Variants in RFC1 observed in about 807,000 individuals in gnomAD.
RFC1 encodes the protein A1 140 kDa subunit.
Under a neutral mutation model 137.4 loss-of-function variants are expected in RFC1, and 37 were observed. The observed-to-expected ratio is 0.27, with a 90% CI of 0.21 to 0.35. The LOEUF (loss-of-function observed/expected upper bound fraction) is 0.35, where lower values mean the gene tolerates loss of function less well. Among genes scored for constraint, RFC1 ranks in the 10% least tolerant of loss-of-function variants. The pLI, the probability that RFC1 is intolerant of heterozygous loss-of-function variation, is 1.00. For missense variants in RFC1, 1,205 were observed against 1,358.5 expected (o/e 0.89, Z 1.78); for synonymous variants, 429 against 455.7 (o/e 0.94, Z 0.75).
intron 1 of RFC1, among the ~76,000 whole-genome samples, chr4:39,357,577 T>C (rs1216005064): frequency 6.6e-6 from 1 of 152,156 alleles, no homozygotes; most frequent in Non-Finnish European, 1.5e-5. Flanking sequence ...CCAGGGCTAA[T>C]GTACTCCGAT....
At chr4:39,360,970 CAA>C (rs1422129450) in intron 1 of RFC1, among the ~76,000 whole-genome samples, 3 of 152,120 alleles carry the variant, frequency 2.0e-5, no homozygotes, top group Non-Finnish European at 2.9e-5. Flanking sequence ...ACATACTTCA[CAA>C]AAGTCTATCC....
In RFC1 at chr4:39,342,465, AATCTGT is replaced by A. The variant is rs749672419; in HGVS notation, c.209-4_210del. 1 of 1,612,268 alleles carries A rather than the reference AATCTGT, an allele frequency of 6.2e-7. No individual in the cohort carries two copies. The highest frequency in any genetic ancestry group is 1.1e-5 in the South Asian group (1 of 90,996). On this transcript the variant is annotated splice_acceptor_variant and splice_polypyrimidine_tract_variant and coding_sequence_variant and intron_variant, in exon 4 of 25. Coordinates refer to ENST00000349703, the MANE Select transcript of RFC1 (RefSeq NM_002913.5). LOFTEE classifies it high-confidence loss of function. ...ACCTGCAACGTCTCCTCTGACTCTG[AATCTGT>A]ATGTGAGAGAAAAATAAAACAAAAC...
chr4:39,291,273 C>A (rs1325398372), intron 23 of RFC1, among the ~76,000 whole-genome samples: 1 of 152,178 alleles, frequency 6.6e-6, no homozygotes, highest in Non-Finnish European at 1.5e-5. Context: ...AAATCCTCAG[C>A]CAATAAACAT....
chr4:39,343,930 T>C (rs964702707), intron 3 of RFC1, among the ~76,000 whole-genome samples: 1 of 151,968 alleles, frequency 6.6e-6, no homozygotes, highest in African/African-American at 2.4e-5. Flanking sequence ...CTGGCCAACA[T>C]GGTGAAACCC....
intron 12 of RFC1, among the ~76,000 whole-genome samples, chr4:39,309,690 T>C (rs1738870838): frequency 1.3e-5 from 2 of 152,330 alleles, no homozygotes; most frequent in Admixed American, 6.5e-5. Context: ...TGGCTGCTGA[T>C]AGGTACAGGG....
At position 39,320,415 on chromosome 4, in the gene RFC1, TAGG is replaced by T. The variant is rs756282376; in HGVS notation, c.1060_1062del (p.Pro354del). The stretch of plus-strand genomic sequence containing the variant: ...TTAGCTGGAGAACTTTTGGTTTTCT[TAGG>T]AGTTTTTGTCTCTCCTTTCAATTTA... On this transcript the variant is annotated inframe_deletion, in exon 9 of 25. Coordinates refer to ENST00000349703, the MANE Select transcript of RFC1 (RefSeq NM_002913.5). 1.3e-6 allele frequency: 2 copies of T among 1,566,458 alleles called. No homozygotes were observed. The highest frequency in any genetic ancestry group is 1.7e-6 in the Non-Finnish European group (2 of 1,166,620).
At chr4:39,321,437 GT>G in intron 7 of RFC1, 63 bp from the exon 8 acceptor site, 1 of 1,487,526 alleles carries the variant, frequency 6.7e-7, no homozygotes, top group Non-Finnish European at 9.3e-7. Flanking sequence ...CATAAAATCT[GT>G]TGTTAAAATC....
chr4:39,295,526 C>T (rs1287261300), intron 22 of RFC1, 88 bp downstream of exon 22: 6 of 1,148,948 alleles, frequency 5.2e-6, no homozygotes, highest in Non-Finnish European at 7.3e-6. Context: ...AACTAAAACA[C>T]AAATCTTTTG....
chr4:39,355,047 A>G (rs1165826500), intron 1 of RFC1, among the ~76,000 whole-genome samples: 2 of 143,222 alleles, frequency 1.4e-5, no homozygotes, highest in South Asian at 2.2e-4. Context: ...GCCCCTTTGC[A>G]CTCCAGTCTG....
rs1292302691 is a variant in RFC1, at chr4:39,305,935, C to CA, written c.1995+656dup. Among the ~76,000 whole-genome samples the CA allele has an allele frequency of 1.1e-4, 17 of 152,050 alleles. No individual in the cohort carries two copies. In the South Asian group the frequency reaches 2.9e-3, roughly 26 times the overall value. On this transcript the variant is annotated intron_variant, in intron 14 of 24. Transcript: ENST00000349703. ...TTAAATTTTATGCAGATGCATACAA[C>CA]AAAAAAACAAAAGAAACCACAAGCT...
At chr4:39,313,975 A>G (rs1185519863) in intron 10 of RFC1, among the ~76,000 whole-genome samples, 4 of 152,248 alleles carry the variant, frequency 2.6e-5, no homozygotes, top group Non-Finnish European at 5.9e-5. Context: ...ATGGTTCAAT[A>G]AAATTATACA....
At position 39,295,778 on chromosome 4, in the gene RFC1, CA is replaced by C; in HGVS notation, c.2809-20del. Reference sequence around the variant, plus strand: ...AAATGGCCTGAAAAAAAATCAATTGCAGTCCAGAATTTATGTTCCGTACAAA... The same window carrying C: ...AAATGGCCTGAAAAAAAATCAATTGCGTCCAGAATTTATGTTCCGTACAAA... On this transcript the variant is annotated intron_variant, in intron 21 of 24. Transcript: ENST00000349703. 1.2e-6 allele frequency: 2 copies of C among 1,604,738 alleles called. No individual in the cohort carries two copies. Among genetic ancestry groups the C allele is most frequent in the Non-Finnish European group, 1.7e-6 (2 of 1,175,444 alleles).
intron 11 of RFC1, among the ~76,000 whole-genome samples, chr4:39,312,081 G>T (rs539654269): frequency 6.6e-6 from 1 of 152,164 alleles, no homozygotes; most frequent in Non-Finnish European, 1.5e-5. Context: ...TATAAGACAT[G>T]TTTCTGGGAA....
chr4:39,300,503 G>T, intron 19 of RFC1, 89 bp from the exon 20 acceptor site: 1 of 959,480 alleles, frequency 1.0e-6, no homozygotes, highest in South Asian at 1.5e-5. Flanking sequence ...GGAACAAGAG[G>T]AATTCCATTC....
intron 4 of RFC1, among the ~76,000 whole-genome samples, chr4:39,330,851 T>C (rs777220204): frequency 6.6e-6 from 1 of 152,126 alleles, no homozygotes; most frequent in Non-Finnish European, 1.5e-5. Context: ...CAGATTTCAG[T>C]TCAACCACGT....
intron 3 of RFC1, among the ~76,000 whole-genome samples, chr4:39,344,017 G>A (rs886312406): frequency 5.3e-5 from 8 of 151,960 alleles, no homozygotes; most frequent in Non-Finnish European, 1.0e-4. Context: ...GGGAGGCTGA[G>A]GCAGGAGAAT....
chr4:39,298,307 CAAAAAAA>C (rs55727769), intron 21 of RFC1, among the ~76,000 whole-genome samples: 23,556 of 111,228 alleles, frequency 0.21, 2,657 homozygotes, highest in African/African-American at 0.36. Flanking sequence ...GACCTTGTCT[CAAAAAAA>C]AAAAAAAAAA....
rs1194674971 is a variant in RFC1 at position 39,342,694 on chromosome 4, T to C, written c.209-227A>G. Reference sequence around the variant, plus strand: ...TAGTGGCTTAAAACAACTAAGCCACTAAATTTATTATCTTCCAGTTCTGGA... The same window carrying C: ...TAGTGGCTTAAAACAACTAAGCCACCAAATTTATTATCTTCCAGTTCTGGA... On this transcript the variant is annotated intron_variant, in intron 3 of 24. Transcript: ENST00000349703. 2.6e-5 allele frequency among the ~76,000 whole-genome samples: 4 copies of C among 152,296 alleles called. No homozygotes were observed. In the East Asian group the frequency reaches 5.8e-4, roughly 22 times the overall value.
intron 6 of RFC1, among the ~76,000 whole-genome samples, chr4:39,324,493 C>G (rs1431566893): frequency 6.6e-6 from 1 of 152,210 alleles, no homozygotes; most frequent in East Asian, 1.9e-4. Context: ...CTTGTGCTAC[C>G]TTGAGTCATG....
Sources: allele counts gnomAD v4.1 joint callset (sites outside exome capture counted in the v4.1 genomes callset), GRCh38; gene constraint gnomAD v4.1.1; transcripts MANE v1.5; gene names NCBI Gene and HGNC (gene_info 2026-07-23, HGNC 2026-07-21).